The following ERC2 variants were observed in gnomAD, a reference collection of about 807,000 sequenced individuals.
ERC2 encodes the protein ELKS/RAB6-interacting/CAST family member 2, also known as ERC protein 2.
Under a neutral mutation model 114.8 loss-of-function variants are expected in ERC2, and 42 were observed. That is an observed-to-expected ratio of 0.37 (90% confidence interval 0.29 to 0.47). ERC2 has a LOEUF of 0.47. ERC2 is among the 20% of genes least tolerant of loss of function. The pLI, the probability that ERC2 is intolerant of heterozygous loss-of-function variation, is 0.99. For missense variants in ERC2, 939 were observed against 1,150.7 expected (o/e 0.82, Z 2.66); for synonymous variants, 454 against 425.5 (o/e 1.07, Z -0.82).
At chr3:55,686,492 AG>A (rs1312251033) in intron 16 of ERC2, among the ~76,000 whole-genome samples, 2 of 152,234 alleles carry the variant, frequency 1.3e-5, no homozygotes, top group Non-Finnish European at 2.9e-5. Flanking sequence ...ACAAAAATGC[AG>A]GAGCTAATCA....
intron 17 of ERC2, among the ~76,000 whole-genome samples, chr3:55,677,443 C>A (rs2061863443): frequency 6.6e-6 from 1 of 152,138 alleles, no homozygotes; most frequent in Non-Finnish European, 1.5e-5. Flanking sequence ...CAACCACTTT[C>A]CTCTGTTTAT....
At chr3:55,905,375 A>G (rs573119336) in intron 13 of ERC2, among the ~76,000 whole-genome samples, 15 of 152,064 alleles carry the variant, frequency 9.9e-5, no homozygotes, top group African/African-American at 3.6e-4. Context: ...GCCACCACGC[A>G]CATTCTTCTT....
intron 14 of ERC2, among the ~76,000 whole-genome samples, chr3:55,886,989 A>T (rs1229620331): frequency 1.3e-5 from 2 of 152,232 alleles, no homozygotes; most frequent in East Asian, 3.8e-4. Flanking sequence ...AGCACCTCCC[A>T]TGTGCCCAGC....
chr3:55,782,713 T>A (rs1311543242), intron 14 of ERC2, among the ~76,000 whole-genome samples: 1 of 152,166 alleles, frequency 6.6e-6, no homozygotes, highest in African/African-American at 2.4e-5. Context: ...CAAGGCCAAC[T>A]GACAATATGA....
chr3:55,528,572 A>G (rs2053479510), intron 17 of ERC2, among the ~76,000 whole-genome samples: 1 of 152,228 alleles, frequency 6.6e-6, no homozygotes, highest in South Asian at 2.1e-4. Flanking sequence ...AGGCAGGCAT[A>G]ATATTCAATC....
intron 14 of ERC2, among the ~76,000 whole-genome samples, chr3:55,842,621 T>A (rs920373101): frequency 6.6e-6 from 1 of 152,164 alleles, no homozygotes; most frequent in African/African-American, 2.4e-5. Flanking sequence ...GTGGAAATTT[T>A]TTTTTTTTAG....
At chr3:55,652,146 A>C (rs2060651406) in intron 17 of ERC2, among the ~76,000 whole-genome samples, 1 of 152,142 alleles carries the variant, frequency 6.6e-6, no homozygotes, top group Non-Finnish European at 1.5e-5. Context: ...TGACAGCTTA[A>C]ATGTAAATAG....
At chr3:55,721,834 T>C (rs1442358485) in intron 15 of ERC2, among the ~76,000 whole-genome samples, 1 of 152,234 alleles carries the variant, frequency 6.6e-6, no homozygotes, top group Non-Finnish European at 1.5e-5. Context: ...ACATACCTCC[T>C]TCCTACCCCA....
chr3:56,432,693 G>A (rs867911785), intron 2 of ERC2, among the ~76,000 whole-genome samples: 6 of 152,198 alleles, frequency 3.9e-5, no homozygotes, highest in Non-Finnish European at 8.8e-5. Context: ...GGTAGCCAGG[G>A]AAACAGTTAG....
In ERC2 at chr3:55,766,499, C is replaced by T. The variant is rs140675267; in HGVS notation, c.2565-31581G>A. On this transcript the variant is annotated intron_variant, in intron 14 of 17. Transcript: ENST00000288221. ...CAACAACAGTATGCAAGCTTTCCTG[C>T]CCAGCCTTGGAAATGACCCAAGGAG... 2.1e-4 allele frequency among the ~76,000 whole-genome samples: 32 copies of T among 152,230 alleles called. No individual in the cohort carries two copies. The East Asian group carries it at 6.0e-3, about 28-fold the overall frequency.
intron 14 of ERC2, among the ~76,000 whole-genome samples, chr3:55,875,769 G>T: frequency 6.6e-6 from 1 of 151,364 alleles, no homozygotes. Flanking sequence ...GTCTACTTTG[G>T]TCTGCCTCCT....
chr3:55,980,675 G>A (rs945346483), intron 12 of ERC2, among the ~76,000 whole-genome samples: 2 of 151,898 alleles, frequency 1.3e-5, no homozygotes, highest in Non-Finnish European at 2.9e-5. Context: ...ACTATTTGCT[G>A]ATATTCATCC....
chr3:56,466,424 C>A (rs956255880), intron 1 of ERC2, among the ~76,000 whole-genome samples: 1 of 152,128 alleles, frequency 6.6e-6, no homozygotes, highest in African/African-American at 2.4e-5. Flanking sequence ...GGTCCTTCAC[C>A]CATGATTCAT....
At chr3:55,787,762 C>G (rs1270769088) in intron 14 of ERC2, among the ~76,000 whole-genome samples, 1 of 152,168 alleles carries the variant, frequency 6.6e-6, no homozygotes, top group Non-Finnish European at 1.5e-5. Flanking sequence ...TCTGATAATA[C>G]TACTCCCACA....
intron 17 of ERC2, among the ~76,000 whole-genome samples, chr3:55,628,097 C>G (rs778828531): frequency 6.6e-6 from 1 of 152,048 alleles, no homozygotes; most frequent in Non-Finnish European, 1.5e-5. Flanking sequence ...CTCTTTGTAT[C>G]TATAGTTATA....
intron 6 of ERC2, among the ~76,000 whole-genome samples, chr3:56,085,347 T>A (rs1221661206): frequency 6.6e-6 from 1 of 152,132 alleles, no homozygotes; most frequent in East Asian, 1.9e-4. Flanking sequence ...TGGTCACAGA[T>A]GTGTGGAGCC....
intron 3 of ERC2, among the ~76,000 whole-genome samples, chr3:56,203,067 G>T (rs768627249): frequency 1.3e-5 from 2 of 152,192 alleles, no homozygotes; most frequent in Non-Finnish European, 2.9e-5. Flanking sequence ...AAGCTCTTGG[G>T]TAAAAGATAA....
At chr3:56,073,444 C>T (rs1005445448) in intron 7 of ERC2, among the ~76,000 whole-genome samples, 2 of 152,192 alleles carry the variant, frequency 1.3e-5, no homozygotes, top group Admixed American at 6.5e-5. Context: ...TATCTCCAGA[C>T]ATTAGCAAAT....
At chr3:55,616,447 A>G (rs547310184) in intron 17 of ERC2, among the ~76,000 whole-genome samples, 23 of 152,326 alleles carry the variant, frequency 1.5e-4, no homozygotes, top group African/African-American at 4.8e-4. Flanking sequence ...AGACTGGTAA[A>G]ACAAAAATAG....
Sources: allele counts gnomAD v4.1 joint callset (sites outside exome capture counted in the v4.1 genomes callset), GRCh38; gene constraint gnomAD v4.1.1; transcripts MANE v1.5; gene names NCBI Gene and HGNC (gene_info 2026-07-23, HGNC 2026-07-21).